The following IL1RAPL2 variants were observed in gnomAD, a reference collection of about 807,000 sequenced individuals.
IL1RAPL2 encodes the protein X-linked interleukin-1 receptor accessory protein-like 2.
Under a neutral mutation model 44.1 loss-of-function variants are expected in IL1RAPL2, and 3 were observed. The observed-to-expected ratio is 0.07, with a 90% confidence interval of 0.03 to 0.18. The LOEUF is 0.18. Among genes scored for constraint, IL1RAPL2 ranks in the 10% least tolerant of loss-of-function variants. The probability of loss-of-function intolerance (pLI) is 1.00; values close to 1 mark genes in which losing one functional copy is unlikely to be tolerated. For missense variants in IL1RAPL2, 391 were observed against 496.4 expected, an observed-to-expected ratio of 0.79 and a Z score of 2.02; for synonymous variants, 181 against 178.8, an observed-to-expected ratio of 1.01 and a Z score of -0.10.
At chrX:105,165,047 CCTT>C (rs1468589017) in intron 2 of IL1RAPL2, among the ~76,000 whole-genome samples, 1 of 111,440 alleles carries the variant, frequency 9.0e-6, no homozygotes, top group African/African-American at 3.3e-5. Flanking sequence ...CCAAACTGCT[CCTT>C]CTCCTGTGTT....
At chrX:105,025,353 G>A (rs1038940947) in intron 2 of IL1RAPL2, among the ~76,000 whole-genome samples, 2 of 111,250 alleles carry the variant, frequency 1.8e-5, no homozygotes, top group Non-Finnish European at 3.8e-5. Context: ...AATTGAAGTT[G>A]AAACAATTAC....
intron 3 of IL1RAPL2, among the ~76,000 whole-genome samples, chrX:105,232,304 A>G (rs1218494896): frequency 3.6e-5 from 4 of 111,894 alleles, no homozygotes; most frequent in Non-Finnish European, 7.5e-5. Flanking sequence ...TAAAATTTCA[A>G]TGAGTGACTA....
intron 2 of IL1RAPL2, among the ~76,000 whole-genome samples, chrX:104,967,803 T>G (rs2030155939): frequency 1.8e-5 from 2 of 110,747 alleles, no homozygotes; most frequent in Admixed American, 9.6e-5. Context: ...TTAGACAAAA[T>G]GCATGCTTTT....
intron 6 of IL1RAPL2, among the ~76,000 whole-genome samples, chrX:105,707,865 A>C (rs1217842968): frequency 9.0e-6 from 1 of 111,062 alleles, no homozygotes; most frequent in Non-Finnish European, 1.9e-5. Flanking sequence ...AGTGTGCATT[A>C]AGGAAGTCAG....
At chrX:104,644,586 A>G (rs763225496) in intron 1 of IL1RAPL2, among the ~76,000 whole-genome samples, 19 of 110,714 alleles carry the variant, frequency 1.7e-4, no homozygotes, top group Admixed American at 2.9e-4. Context: ...ACTCCATACA[A>G]TAACCTTGTG....
chrX:105,717,504 G>A lies in IL1RAPL2; in HGVS notation c.902+8G>A. The A allele has an allele frequency of 1.7e-6, 2 of 1,185,149 alleles. No individual in the cohort carries two copies. The highest frequency in any genetic ancestry group is 2.3e-6 in the Non-Finnish European group (2 of 880,236). Reference sequence around the variant, plus strand: ...TAGAGAAGGTGAAATAAGGTAGAGAGCTTGAATTGCTTATCTTTCTTTGCT... The same window carrying A: ...TAGAGAAGGTGAAATAAGGTAGAGAACTTGAATTGCTTATCTTTCTTTGCT... On this transcript the variant is annotated splice_region_variant and intron_variant, in intron 7 of 10. Transcript: ENST00000372582.
intron 5 of IL1RAPL2, among the ~76,000 whole-genome samples, chrX:105,364,319 A>G (rs989294049): frequency 2.6e-4 from 29 of 111,436 alleles, no homozygotes; most frequent in African/African-American, 8.8e-4. Context: ...TTTGATTACA[A>G]TAGCTTTATA....
At chrX:104,795,757 T>C (rs778464348) in intron 2 of IL1RAPL2, among the ~76,000 whole-genome samples, 1 of 112,009 alleles carries the variant, frequency 8.9e-6, no homozygotes, top group Non-Finnish European at 1.9e-5. Flanking sequence ...ATAATTTGTG[T>C]GAACAAGTTG....
intron 2 of IL1RAPL2, among the ~76,000 whole-genome samples, chrX:105,018,275 T>A (rs2031221496): frequency 1.8e-5 from 2 of 111,266 alleles, no homozygotes; most frequent in Admixed American, 1.9e-4. Context: ...CCTACCTTCT[T>A]ATTACACTCT....
At chrX:105,742,046 TCA>T (rs1401431131) in intron 8 of IL1RAPL2, among the ~76,000 whole-genome samples, 1 of 111,635 alleles carries the variant, frequency 9.0e-6, no homozygotes, top group African/African-American at 3.3e-5. Flanking sequence ...TCTGTTCATC[TCA>T]GTCTTATTTC....
At chrX:105,349,541 A>G (rs1192136887) in intron 5 of IL1RAPL2, among the ~76,000 whole-genome samples, 1 of 112,055 alleles carries the variant, frequency 8.9e-6, no homozygotes, top group East Asian at 2.8e-4. Flanking sequence ...CTCTTCATTC[A>G]AATTTCACAT....
chrX:105,213,993 G>A (rs1387527216), intron 3 of IL1RAPL2, among the ~76,000 whole-genome samples: 1 of 107,464 alleles, frequency 9.3e-6, no homozygotes, highest in African/African-American at 3.4e-5. Context: ...ATATGGAAAG[G>A]AAAAACCGGT....
In IL1RAPL2 at chrX:105,755,272, G is replaced by A; in HGVS notation, c.1288G>A (p.Val430Ile). Residue 430 changes from valine (V) to isoleucine (I), a missense_variant, in exon 10 of 11, where the codon GTA becomes ATA. Val to Ile is a conservative substitution (Grantham distance 29). Coordinates refer to ENST00000372582, the MANE Select transcript of IL1RAPL2 (RefSeq NM_017416.2). ...TGAAGAAGAGCAGTTTGCTCTTGAA[G>A]TACTGCCAGATGTCCTGGAAAAACA... ...NPEEEQFALE[V>I]LPDVLEKHYG... 1 of 1,198,656 alleles carries A rather than the reference G, an allele frequency of 8.3e-7. No homozygotes were observed. The highest frequency in any genetic ancestry group is 1.1e-6 in the Non-Finnish European group (1 of 883,748).
chrX:104,833,599 G>A (rs956236819), intron 2 of IL1RAPL2, among the ~76,000 whole-genome samples: 1 of 111,702 alleles, frequency 9.0e-6, no homozygotes, highest in Non-Finnish European at 1.9e-5. Context: ...ACCTGTAAGA[G>A]GTCCACAGAA....
chrX:105,023,632 A>G (rs2031318212), intron 2 of IL1RAPL2, among the ~76,000 whole-genome samples: 1 of 111,307 alleles, frequency 9.0e-6, no homozygotes, highest in Admixed American at 9.6e-5. Flanking sequence ...GTTTTGCTGC[A>G]TTAATTTTTG....
At chrX:105,382,157 G>C (rs751076053) in intron 5 of IL1RAPL2, among the ~76,000 whole-genome samples, 1 of 108,502 alleles carries the variant, frequency 9.2e-6, no homozygotes, top group Admixed American at 9.8e-5. Context: ...CACAGCAAAA[G>C]AAACTACCAT....
rs1455574901 is a variant in IL1RAPL2 at position 105,683,750 on chromosome X, A to G, written c.773-33617A>G. On this transcript the variant is annotated intron_variant, in intron 6 of 10. Transcript: ENST00000372582. The stretch of plus-strand genomic sequence containing the variant: ...ATTCACATATATTAATTTTAACCAA[A>G]GCAATTTCTACTTCACAGAGTAAAC... Among the ~76,000 whole-genome samples the G allele has an allele frequency of 2.7e-5, 3 of 112,353 alleles. No homozygotes were observed. In the East Asian group the frequency reaches 8.4e-4, roughly 31 times the overall value.
chrX:105,538,127 C>T (rs748254932), intron 6 of IL1RAPL2, among the ~76,000 whole-genome samples: 1 of 104,818 alleles, frequency 9.5e-6, no homozygotes, highest in Admixed American at 1.0e-4. Flanking sequence ...AGCTCCGCCT[C>T]CTGGGTTCAC....
intron 6 of IL1RAPL2, among the ~76,000 whole-genome samples, chrX:105,647,888 T>C (rs1382153366): frequency 1.8e-5 from 2 of 111,464 alleles, no homozygotes; most frequent in Non-Finnish European, 3.8e-5. Flanking sequence ...ATCTGCTTGT[T>C]AGTGGACTTG....
Sources: allele counts gnomAD v4.1 joint callset (sites outside exome capture counted in the v4.1 genomes callset), GRCh38; gene constraint gnomAD v4.1.1; transcripts MANE v1.5; gene names NCBI Gene and HGNC (gene_info 2026-07-23, HGNC 2026-07-21).